Variants in TEK observed in about 807,000 individuals in gnomAD.
TEK encodes angiopoietin-1 receptor.
TEK carries 43 observed loss-of-function variants against 131.8 expected under a neutral mutation model. The ratio of observed to expected loss-of-function variants is 0.33; its 90% CI spans 0.26 to 0.42. The LOEUF (loss-of-function observed/expected upper bound fraction) is 0.42, where lower values mean the gene tolerates loss of function less well. TEK is among the 10% of genes least tolerant of loss of function. The pLI is 1.00. For synonymous variants in TEK, 580 were observed against 491.6 expected, an observed-to-expected ratio of 1.18 and a Z score of -2.38; for missense variants, 1,162 against 1,384.4, an observed-to-expected ratio of 0.84 and a Z score of 2.55.
chr9:27,138,251 G>C (rs912371250), intron 1 of TEK, among the ~76,000 whole-genome samples: 2 of 152,228 alleles, frequency 1.3e-5, no homozygotes, highest in African/African-American at 4.8e-5. Context: ...TGCCGCTGCT[G>C]GCTCAGGTGG....
intron 15 of TEK, among the ~76,000 whole-genome samples, chr9:27,208,465 G>A (rs1344338061): frequency 6.6e-6 from 1 of 152,140 alleles, no homozygotes; most frequent in Non-Finnish European, 1.5e-5. Context: ...TCTGGTTAAA[G>A]TGCTAGTGGA....
At position 27,120,006 on chromosome 9, in the gene TEK, T is replaced by C. The variant is rs148071489; in HGVS notation, c.52+10364T>C. Among the ~76,000 whole-genome samples the C allele has an allele frequency of 2.7e-3, 405 of 152,342 alleles. 3 individuals carry two copies. Among genetic ancestry groups the C allele is most frequent in the African/African-American group, 9.5e-3 (394 of 41,580 alleles). ...ACCTTCCTTTAGTCTCCATTCTACT[T>C]TGTGTCCAATACCCCTTGCATCTGG... On this transcript the variant is annotated intron_variant, in intron 1 of 22. Coordinates refer to ENST00000380036, the MANE Select transcript of TEK (RefSeq NM_000459.5).
intron 1 of TEK, among the ~76,000 whole-genome samples, chr9:27,121,500 TTA>T (rs1821789064): frequency 6.9e-6 from 1 of 144,270 alleles, no homozygotes; most frequent in Non-Finnish European, 1.5e-5. Context: ...TATACATATT[TTA>T]TTTGTATACA....
At chr9:27,115,736 A>G (rs1184615045) in intron 1 of TEK, among the ~76,000 whole-genome samples, 1 of 152,190 alleles carries the variant, frequency 6.6e-6, no homozygotes, top group East Asian at 1.9e-4. Flanking sequence ...TGAAAAGGAA[A>G]AGGGAAGAAA....
chr9:27,181,554 T>C (rs1396938585), intron 7 of TEK, among the ~76,000 whole-genome samples: 1 of 152,202 alleles, frequency 6.6e-6, no homozygotes, highest in African/African-American at 2.4e-5. Context: ...GGTTTATCTA[T>C]GTTGTGGCAT....
At chr9:27,201,194 A>G (rs1472956314) in intron 12 of TEK, among the ~76,000 whole-genome samples, 3 of 152,148 alleles carry the variant, frequency 2.0e-5, no homozygotes, top group East Asian at 1.9e-4. Flanking sequence ...ATTTAAATCA[A>G]AGGTTTATTG....
At chr9:27,153,797 A>C (rs1170628179) in intron 1 of TEK, among the ~76,000 whole-genome samples, 2 of 152,252 alleles carry the variant, frequency 1.3e-5, no homozygotes, top group Non-Finnish European at 2.9e-5. Context: ...GAGTGGCACC[A>C]GATATGCAGT....
At chr9:27,215,494 G>A (rs1825789049) in intron 18 of TEK, among the ~76,000 whole-genome samples, 1 of 151,430 alleles carries the variant, frequency 6.6e-6, no homozygotes, top group African/African-American at 2.4e-5. Flanking sequence ...AAGATCCCCA[G>A]ATGATTGAGT....
Position 27,151,049 on chromosome 9 carries a change from CT to C in TEK, c.53-6781del, listed in dbSNP as rs151240108. Among the ~76,000 whole-genome samples the C allele has an allele frequency of 2.1e-4, 32 of 152,244 alleles. 1 individual carries two copies. The East Asian group carries it at 4.6e-3, about 22-fold the overall frequency. On this transcript the variant is annotated intron_variant, in intron 1 of 22. Coordinates refer to ENST00000380036, the MANE Select transcript of TEK (RefSeq NM_000459.5). ...CAGCCCAGTCACATCCAGGATGCCC[CT>C]GGATAACTCTGAACTCCCAGCTATA...
intron 1 of TEK, among the ~76,000 whole-genome samples, chr9:27,151,450 G>T (rs1003434242): frequency 2.0e-5 from 3 of 152,214 alleles, no homozygotes; most frequent in Non-Finnish European, 4.4e-5. Context: ...TGAAAAATGA[G>T]TAACTACTGC....
chr9:27,220,611 A>T (rs1018165974), intron 21 of TEK, among the ~76,000 whole-genome samples: 7 of 152,216 alleles, frequency 4.6e-5, no homozygotes, highest in African/African-American at 1.7e-4. Context: ...TACCCGGCTC[A>T]TCTCATAGGG....
chr9:27,187,645 G>A (rs1036878088), intron 9 of TEK, among the ~76,000 whole-genome samples: 1 of 152,176 alleles, frequency 6.6e-6, no homozygotes, highest in African/African-American at 2.4e-5. Flanking sequence ...ACTACAGGCT[G>A]AGTGGCTTAA....
rs538072159 is a variant in TEK at position 27,212,954 on chromosome 9, A to T, written c.2877+57A>T. 7.6e-6 allele frequency: 12 copies of T among 1,580,300 alleles called. No homozygotes were observed. The African/African-American group carries it at 1.6e-4, about 21-fold the overall frequency. ...TTCCTGTGGAGTTCCCTCTAAAGTC[A>T]GTTTCAATATGTTTGTAGGGTCTGT... is the stretch of plus-strand genomic sequence containing the variant. On this transcript the variant is annotated intron_variant, in intron 17 of 22. Transcript: ENST00000380036.
At chr9:27,206,989 T>A (rs1347783431) in intron 15 of TEK, among the ~76,000 whole-genome samples, 197 bp downstream of exon 15, 2 of 152,262 alleles carry the variant, frequency 1.3e-5, no homozygotes, top group Non-Finnish European at 2.9e-5. Context: ...CAGGAGCCAT[T>A]TAAACATCAC....
chr9:27,120,513 T>TGAGG (rs1367278095), intron 1 of TEK, among the ~76,000 whole-genome samples: 2 of 152,022 alleles, frequency 1.3e-5, no homozygotes, highest in African/African-American at 2.4e-5. Flanking sequence ...GAAGCAAGAG[T>TGAGG]GAGGGACTAG....
At chr9:27,187,108 C>G (rs998915087) in intron 9 of TEK, among the ~76,000 whole-genome samples, 1 of 152,138 alleles carries the variant, frequency 6.6e-6, no homozygotes, top group African/African-American at 2.4e-5. Context: ...CATGGACATA[C>G]GTCCAAAACA....
At chr9:27,136,350 G>A in intron 1 of TEK, among the ~76,000 whole-genome samples, 1 of 152,140 alleles carries the variant, frequency 6.6e-6, no homozygotes, top group Non-Finnish European at 1.5e-5. Context: ...AAAGTGCTGG[G>A]ATTACAGGCG....
At chr9:27,153,269 A>G (rs1342818625) in intron 1 of TEK, among the ~76,000 whole-genome samples, 1 of 151,558 alleles carries the variant, frequency 6.6e-6, no homozygotes, top group Non-Finnish European at 1.5e-5. Context: ...CAACATGGTG[A>G]AACCCCGCCT....
chr9:27,196,091 T>G (rs1824998363), intron 11 of TEK, among the ~76,000 whole-genome samples: 1 of 152,200 alleles, frequency 6.6e-6, no homozygotes, highest in Non-Finnish European at 1.5e-5. Flanking sequence ...AATGTATTGC[T>G]CAAAATGGTA....
Sources: allele counts gnomAD v4.1 joint callset (sites outside exome capture counted in the v4.1 genomes callset), GRCh38; gene constraint gnomAD v4.1.1; transcripts MANE v1.5; gene names NCBI Gene and HGNC (gene_info 2026-07-23, HGNC 2026-07-21).